ANLN: variants seen among roughly 807,000 people sequenced by gnomAD.
The protein encoded by ANLN is anillin.
Under a neutral mutation model 135.1 loss-of-function variants are expected in ANLN, and 59 were observed. The ratio of observed to expected loss-of-function variants is 0.44; its 90% CI spans 0.35 to 0.54. The LOEUF is 0.54. Ranked by LOEUF, ANLN falls within the 20% of genes least tolerant of loss-of-function variation. ANLN has a pLI of 0.00. For synonymous variants in ANLN, 406 were observed against 456.4 expected (o/e 0.89, Z 1.41); for missense variants, 1,182 against 1,340.0 (o/e 0.88, Z 1.84).
intron 14 of ANLN, 127 bp from the exon 15 acceptor site, chr7:36,423,690 G>A (rs1327480579): frequency 1.3e-5 from 12 of 918,668 alleles, no homozygotes; most frequent in Admixed American, 1.1e-4. Flanking sequence ...GTTGATTTTA[G>A]TAATTTTAAA....
At chr7:36,410,800 T>C (rs1162837525) in intron 6 of ANLN, 96 bp downstream of exon 6, 2 of 1,279,576 alleles carry the variant, frequency 1.6e-6, no homozygotes, top group Non-Finnish European at 2.2e-6. Flanking sequence ...TTGACTGAGA[T>C]AAGTAGCATC....
intron 21 of ANLN, among the ~76,000 whole-genome samples, chr7:36,442,100 T>A (rs996297921): frequency 3.3e-5 from 5 of 152,142 alleles, no homozygotes; most frequent in African/African-American, 1.2e-4. Context: ...TTTGGGAAAT[T>A]TACATAAAAC....
Position 36,424,036 on chromosome 7 carries a change from G to GA in ANLN, c.2603+96dup, listed in dbSNP as rs1787984553. ...CATTCAGGTGGCATTTATAATCTTT[G>GA]AAACGCCTTATGCACATTCTTTTTA... On this transcript the variant is annotated intron_variant, in intron 15 of 23. Coordinates refer to ENST00000265748, the MANE Select transcript of ANLN (RefSeq NM_018685.5). 4 of 1,297,108 alleles carry GA rather than the reference G, an allele frequency of 3.1e-6. No homozygotes were observed. In the South Asian group the frequency reaches 4.7e-5, roughly 15 times the overall value. The allele number at this position is 1,297,108 out of a possible 1,614,324, so 80.3% of individuals were successfully genotyped here.
intron 20 of ANLN, chr7:36,428,484 A>G (rs929452636): frequency 5.0e-6 from 2 of 402,864 alleles, no homozygotes; most frequent in Admixed American, 4.2e-5. Context: ...GACATTATGT[A>G]CATTATTCTA....
rs544982425 is a variant in ANLN at position 36,429,950 on chromosome 7, G to A, written c.2883+2922G>A. Among the ~76,000 whole-genome samples the A allele has an allele frequency of 7.9e-5, 12 of 152,268 alleles. No individual in the cohort carries two copies. In the South Asian group the frequency reaches 2.5e-3, roughly 32 times the overall value. On this transcript the variant is annotated intron_variant, in intron 20 of 23. Transcript: ENST00000265748. ...CAAACCACTCAGTTTAATTTGTTGTGTCTTTTACTCTTGAGACTCCTTCTC... is the reference window on the plus strand; with the variant it reads ...CAAACCACTCAGTTTAATTTGTTGTATCTTTTACTCTTGAGACTCCTTCTC...
At chr7:36,441,512 C>T (rs1463715527) in intron 21 of ANLN, among the ~76,000 whole-genome samples, 1 of 152,166 alleles carries the variant, frequency 6.6e-6, no homozygotes, top group African/African-American at 2.4e-5. Flanking sequence ...TGGAGGAGGG[C>T]GACTCCAACC....
chr7:36,389,993 G>A lies in ANLN; in HGVS notation c.-34G>A, dbSNP rs375252333. Reference sequence around the variant, plus strand: ...TTTCTCTTCCTGAATTTGAACCACCGTTTCCATCGTCTCGTAGTCCGACGC... The same window carrying A: ...TTTCTCTTCCTGAATTTGAACCACCATTTCCATCGTCTCGTAGTCCGACGC... On this transcript the variant is annotated 5_prime_UTR_variant, in exon 1 of 24. Coordinates refer to ENST00000265748, the MANE Select transcript of ANLN (RefSeq NM_018685.5). 1.2e-6 allele frequency: 2 copies of A among 1,613,982 alleles called. No individual in the cohort carries two copies. Among genetic ancestry groups the A allele is most frequent in the African/African-American group, 2.7e-5 (2 of 74,938 alleles).
chr7:36,452,475 A>G lies in ANLN; in HGVS notation c.3252-2A>G. ...GACCTCTTTGGTTGTTTGTTCCTGT[A>G]GGAACTGGCTGTCTGCAGATACTAA... is the stretch of plus-strand genomic sequence containing the variant. On this transcript the variant is annotated splice_acceptor_variant, in intron 23 of 23. Coordinates refer to ENST00000265748, the MANE Select transcript of ANLN (RefSeq NM_018685.5). LOFTEE classifies it high-confidence loss of function. 1 of 1,613,948 alleles carries G rather than the reference A, an allele frequency of 6.2e-7. No homozygotes were observed. Among genetic ancestry groups the G allele is most frequent in the Non-Finnish European group, 8.5e-7 (1 of 1,179,842 alleles).
chr7:36,425,970 G>T, intron 18 of ANLN, 45 bp from the exon 19 acceptor site: 1 of 1,425,834 alleles, frequency 7.0e-7, no homozygotes, highest in South Asian at 1.3e-5. Flanking sequence ...TTAAATAAGG[G>T]AAATAACTTA....
At chr7:36,427,308 TGTTAA>T in intron 20 of ANLN, among the ~76,000 whole-genome samples, 1 of 152,210 alleles carries the variant, frequency 6.6e-6, no homozygotes, top group South Asian at 2.1e-4. Context: ...TGCATTTAGA[TGTTAA>T]GTTTATAATT....
In ANLN at chr7:36,399,096, C is replaced by T; in HGVS notation, c.190C>T (p.Pro64Ser). ...TAATGTAGAGAAATCTTGTACAAAA[C>T]CATCGCCATCAAAAAAACGCTGTTC... The part of the protein sequence containing the change: ...SGGEEKSCTK[P>S]SPSKKRCSDN... Residue 64 changes from proline to serine, a missense_variant, in exon 3 of 24, where the codon CCA (proline) becomes TCA (serine). By Grantham distance (74) the Pro-to-Ser change is moderately conservative. This residue lies in a region of ANLN where 1,022 missense variants were observed against 1,134.0 expected (regional missense o/e 0.90). Coordinates refer to ENST00000265748, the MANE Select transcript of ANLN (RefSeq NM_018685.5). The T allele has an allele frequency of 1.2e-6, 2 of 1,609,192 alleles. No homozygotes were observed. Among genetic ancestry groups the T allele is most frequent in the South Asian group, 2.2e-5 (2 of 90,352 alleles).
chr7:36,389,963 T>A lies in ANLN; in HGVS notation c.-64T>A. On this transcript the variant is annotated 5_prime_UTR_variant, in exon 1 of 24. Transcript: ENST00000265748. ...TCCAGGAGACACACTGAGCTGAGAC[T>A]CACTTTTCTCTTCCTGAATTTGAAC... The A allele has an allele frequency of 6.2e-7, 1 of 1,614,030 alleles. No homozygotes were observed. Among genetic ancestry groups the A allele is most frequent in the Non-Finnish European group, 8.5e-7 (1 of 1,179,950 alleles).
chr7:36,414,060 A>G (rs1048095841), intron 7 of ANLN, among the ~76,000 whole-genome samples: 7 of 152,104 alleles, frequency 4.6e-5, no homozygotes, highest in African/African-American at 1.7e-4. Flanking sequence ...CATGGTTGGT[A>G]TTGTTACGTT....
intron 5 of ANLN, among the ~76,000 whole-genome samples, chr7:36,409,133 G>GT (rs1787309135): frequency 1.3e-5 from 2 of 152,288 alleles, no homozygotes; most frequent in South Asian, 4.1e-4. Flanking sequence ...GGACTAGTTA[G>GT]TCCCAATTTT....
intron 12 of ANLN, 139 bp downstream of exon 12, chr7:36,420,883 A>G (rs147131097): frequency 3.9e-5 from 29 of 751,406 alleles, no homozygotes; most frequent in Non-Finnish European, 5.6e-5. Flanking sequence ...AGCTCAGTAA[A>G]TCACATTTGA....
chr7:36,427,528 T>C (rs952252853), intron 20 of ANLN, among the ~76,000 whole-genome samples: 7 of 152,016 alleles, frequency 4.6e-5, no homozygotes, highest in African/African-American at 1.7e-4. Context: ...ATTTTTACTA[T>C]TGTTTTGTAG....
chr7:36,398,779 C>T (rs555582814), intron 2 of ANLN, among the ~76,000 whole-genome samples: 1 of 150,704 alleles, frequency 6.6e-6, no homozygotes, highest in East Asian at 2.0e-4. Flanking sequence ...CCGCTCTTCC[C>T]CCCAAGTCCC....
At chr7:36,448,412 A>G (rs1172491973) in intron 22 of ANLN, among the ~76,000 whole-genome samples, 1 of 152,168 alleles carries the variant, frequency 6.6e-6, no homozygotes, top group Non-Finnish European at 1.5e-5. Flanking sequence ...TTCAGGTTTC[A>G]TTTATCTCCC....
Position 36,424,749 on chromosome 7 carries a change from A to G in ANLN, c.2709+7A>G. The G allele has an allele frequency of 6.2e-7, 1 of 1,608,624 alleles. No homozygotes were observed. On this transcript the variant is annotated splice_region_variant and intron_variant, in intron 17 of 23. Coordinates refer to ENST00000265748, the MANE Select transcript of ANLN (RefSeq NM_018685.5). ...AAAAACATCCAAGTCCAAGGTGAGA[A>G]TTAAAGAAACCCAGTAAAAATATTT...
Sources: gnomAD v4.1 joint callset for allele counts (sites outside exome capture counted in the v4.1 genomes callset) on GRCh38, gnomAD v4.1.1 for gene constraint, gnomAD v4.1.1 regional missense constraint, MANE v1.5 for transcripts, NCBI Gene and HGNC (gene_info 2026-07-23, HGNC 2026-07-21) for gene names.